OLAH: variants seen among roughly 807,000 people sequenced by gnomAD.
OLAH encodes oleoyl-ACP hydrolase, also known as S-acyl fatty acid synthase thioesterase, medium chain.
A neutral mutation model predicts 27.8 loss-of-function variants in OLAH; 33 were observed. That is an observed-to-expected ratio of 1.19 (90% CI 0.90 to 1.59). The LOEUF (loss-of-function observed/expected upper bound fraction) is 1.59. OLAH is among the 40% of genes most tolerant of loss of function. The pLI, the probability that OLAH is intolerant of heterozygous loss-of-function variation, is 0.00. For synonymous variants in OLAH, 120 were observed against 102.9 expected (o/e 1.17, Z -1.01); for missense variants, 359 against 310.8 (o/e 1.16, Z -1.17).
At chr10:15,067,147 G>C (rs1844484675) in intron 6 of OLAH, among the ~76,000 whole-genome samples, 1 of 152,116 alleles carries the variant, frequency 6.6e-6, no homozygotes, top group Admixed American at 6.6e-5. Flanking sequence ...TTATACAATT[G>C]TTATTTGCGA....
At chr10:15,058,283 G>T (rs1421919974) in intron 3 of OLAH, among the ~76,000 whole-genome samples, 1 of 151,926 alleles carries the variant, frequency 6.6e-6, no homozygotes, top group Non-Finnish European at 1.5e-5. Context: ...CGTGCACATG[G>T]GGTCTCCCTA....
intron 6 of OLAH, among the ~76,000 whole-genome samples, chr10:15,068,803 T>A (rs1407376776): frequency 2.6e-5 from 4 of 152,192 alleles, no homozygotes; most frequent in Non-Finnish European, 4.4e-5. Context: ...GACAGGCCGT[T>A]AGTGTGGGGA....
At chr10:15,072,660 G>C (rs1424968116) in intron 7 of OLAH, among the ~76,000 whole-genome samples, 2 of 151,824 alleles carry the variant, frequency 1.3e-5, no homozygotes, top group African/African-American at 4.8e-5. Context: ...TTTTATGGTA[G>C]GGTTGGAATG....
At chr10:15,069,015 CCT>C (rs1844526878) in intron 6 of OLAH, among the ~76,000 whole-genome samples, 1 of 152,154 alleles carries the variant, frequency 6.6e-6, no homozygotes, top group African/African-American at 2.4e-5. Flanking sequence ...CATAGAACAG[CCT>C]CTCTTCCTCC....
At chr10:15,042,771 T>C (rs937515572), upstream of OLAH, among the ~76,000 whole-genome samples, 5 of 151,474 alleles carry the variant, frequency 3.3e-5, no homozygotes, top group African/African-American at 1.2e-4. Flanking sequence ...AAAGGCAGAA[T>C]GCATTAGGGG....
Position 15,047,133 on chromosome 10 carries a change from A to G in OLAH, c.-156A>G. On this transcript the variant is annotated 5_prime_UTR_variant, in exon 2 of 8. Transcript: ENST00000378228. Reference sequence around the variant, plus strand: ...CTTCTTTATTTTTAACAGGGATTGGAGAGGTCAATAAGAGTCAGCGCCTTT... The same window carrying G: ...CTTCTTTATTTTTAACAGGGATTGGGGAGGTCAATAAGAGTCAGCGCCTTT... 1.8e-6 allele frequency: 1 copy of G among 559,252 alleles called. No homozygotes were observed. Among genetic ancestry groups the G allele is most frequent in the East Asian group, 3.0e-5 (1 of 33,226 alleles). The allele number at this position is 559,252 out of a possible 1,614,324, so 34.6% of individuals were successfully genotyped here. A position where few individuals can be genotyped will look rare whatever the true frequency, so the allele number is the denominator to read the frequency against.
At chr10:15,036,405 G>A (rs1426498091) in intron 1 of OLAH, among the ~76,000 whole-genome samples, 1 of 152,156 alleles carries the variant, frequency 6.6e-6, no homozygotes, top group Non-Finnish European at 1.5e-5. Flanking sequence ...AGCTGAGGCA[G>A]GAGAATCGCC....
intron 6 of OLAH, among the ~76,000 whole-genome samples, chr10:15,066,618 TTTA>T (rs1844473514): frequency 4.0e-5 from 1 of 25,302 alleles, no homozygotes; most frequent in African/African-American, 1.8e-4. Flanking sequence ...TATTTATTTA[TTTA>T]TTTATTTATT....
chr10:15,032,353 A>T (rs1467683044), intron 1 of OLAH: 1 of 151,914 alleles, frequency 6.6e-6, no homozygotes, highest in African/African-American at 2.4e-5. Context: ...TGTCATATGT[A>T]AGTCAATTCT....
intron 3 of OLAH, among the ~76,000 whole-genome samples, chr10:15,052,603 T>C (rs1844165887): frequency 6.6e-6 from 1 of 151,948 alleles, no homozygotes; most frequent in African/African-American, 2.4e-5. Flanking sequence ...GTATACTTCT[T>C]TGAGTTTCTT....
upstream of OLAH, among the ~76,000 whole-genome samples, chr10:15,041,670 G>A (rs1479192790): frequency 1.3e-5 from 2 of 151,780 alleles, no homozygotes; most frequent in African/African-American, 4.8e-5. Flanking sequence ...CCACCTCCTT[G>A]GTTCAAGTGA....
At chr10:15,034,768 A>C (rs541041397) in intron 1 of OLAH, among the ~76,000 whole-genome samples, 1 of 151,320 alleles carries the variant, frequency 6.6e-6, no homozygotes, top group African/African-American at 2.4e-5. Context: ...ATAAGACTGT[A>C]CTGCAGACAG....
intron 6 of OLAH, among the ~76,000 whole-genome samples, chr10:15,068,686 G>A (rs572642335): frequency 6.6e-6 from 1 of 152,220 alleles, no homozygotes; most frequent in Non-Finnish European, 1.5e-5. Context: ...ATGAGCCACC[G>A]TGCCCAGTGA....
chr10:15,040,429 A>G (rs965165855), upstream of OLAH, among the ~76,000 whole-genome samples: 1 of 152,124 alleles, frequency 6.6e-6, no homozygotes, highest in Admixed American at 6.6e-5. Flanking sequence ...AGTTGCTCCC[A>G]CTATTGACCA....
Position 15,055,881 on chromosome 10 carries a change from A to C in OLAH, c.164-5843A>C, listed in dbSNP as rs183419112. On this transcript the variant is annotated intron_variant, in intron 3 of 7. Coordinates refer to ENST00000378228, the MANE Select transcript of OLAH (RefSeq NM_001039702.3). ...TTTTTTTTTTTGGAGACAGAGTCTC[A>C]CTCTGTCCCTCAGGCTGGAGTGCAG... Among the ~76,000 whole-genome samples, 110 of 147,570 alleles carry C rather than the reference A, an allele frequency of 7.5e-4. 1 individual carries two copies. The South Asian group carries it at 8.1e-3, about 11-fold the overall frequency.
chr10:15,032,861 C>T (rs1454533573), intron 1 of OLAH, among the ~76,000 whole-genome samples: 5 of 133,822 alleles, frequency 3.7e-5, no homozygotes, highest in African/African-American at 1.5e-4. Flanking sequence ...TGACACCTAT[C>T]AATAAAGAAA....
At chr10:15,053,837 T>TCCAA (rs778362904) in intron 3 of OLAH, among the ~76,000 whole-genome samples, 2 of 151,518 alleles carry the variant, frequency 1.3e-5, no homozygotes, top group Non-Finnish European at 1.5e-5. Context: ...ACCCCAGCCT[T>TCCAA]CCAACTAGCT....
At chr10:15,069,566 C>T (rs964491631) in intron 6 of OLAH, among the ~76,000 whole-genome samples, 1 of 152,040 alleles carries the variant, frequency 6.6e-6, no homozygotes, top group African/African-American at 2.4e-5. Context: ...AGTGGAGGCC[C>T]ATGGAAAAGA....
intron 2 of OLAH, among the ~76,000 whole-genome samples, chr10:15,048,964 A>G (rs1844076483): frequency 6.6e-6 from 1 of 152,046 alleles, no homozygotes; most frequent in South Asian, 2.1e-4. Context: ...TTAGCTTGAC[A>G]TGGTGGCACT....
Sources: gnomAD v4.1 joint callset for allele counts (sites outside exome capture counted in the v4.1 genomes callset) on GRCh38, gnomAD v4.1.1 for gene constraint, MANE v1.5 for transcripts, NCBI Gene and HGNC (gene_info 2026-07-23, HGNC 2026-07-21) for gene names.